CSMD3: variants seen among roughly 807,000 people sequenced by gnomAD.
CSMD3 encodes the protein CUB and sushi domain-containing protein 3.
In CSMD3, 177 loss-of-function variants were observed where a neutral mutation model predicts 435.2. That is an observed-to-expected ratio of 0.41 (90% CI 0.36 to 0.46). The LOEUF (loss-of-function observed/expected upper bound fraction) is 0.46. Among genes scored for constraint, CSMD3 ranks in the 20% least tolerant of loss-of-function variants. The pLI, the probability that CSMD3 is intolerant of heterozygous loss-of-function variation, is 0.34. For missense variants in CSMD3, 4,265 were observed against 4,504.6 expected (o/e 0.95, Z 1.52); for synonymous variants, 1,656 against 1,520.5 (o/e 1.09, Z -2.07).
intron 24 of CSMD3, among the ~76,000 whole-genome samples, chr8:112,562,690 G>A (rs572140949): frequency 6.6e-6 from 1 of 151,482 alleles, no homozygotes; most frequent in South Asian, 2.1e-4. Context: ...CATAATATTA[G>A]GCAGAATAAT....
At chr8:113,308,234 A>AAAT (rs1045935465) in intron 2 of CSMD3, among the ~76,000 whole-genome samples, 3 of 149,026 alleles carry the variant, frequency 2.0e-5, no homozygotes, top group African/African-American at 7.5e-5. Flanking sequence ...TTAGTTCTAT[A>AAAT]AATATCCAGT....
intron 1 of CSMD3, among the ~76,000 whole-genome samples, chr8:113,348,755 T>C (rs1299938625): frequency 6.6e-6 from 1 of 152,090 alleles, no homozygotes; most frequent in East Asian, 1.9e-4. Context: ...ATTTGTTTTA[T>C]TTTTATTAGG....
At chr8:113,275,040 ATTGAAATGC>A (rs1235601283) in intron 3 of CSMD3, among the ~76,000 whole-genome samples, 1 of 152,094 alleles carries the variant, frequency 6.6e-6, no homozygotes, top group East Asian at 1.9e-4. Context: ...TCCCCATAGA[ATTGAAATGC>A]TTATATATAA....
At chr8:112,555,060 T>C (rs1190504712) in intron 25 of CSMD3, among the ~76,000 whole-genome samples, 2 of 151,974 alleles carry the variant, frequency 1.3e-5, no homozygotes, top group African/African-American at 4.8e-5. Flanking sequence ...TCCAACTGTT[T>C]ATAGCTGCTA....
chr8:113,320,030 G>A lies in CSMD3; in HGVS notation c.179-5237C>T, dbSNP rs147387246. 2.6e-5 allele frequency among the ~76,000 whole-genome samples: 4 copies of A among 152,100 alleles called. No individual in the cohort carries two copies. The East Asian group carries it at 7.7e-4, about 29-fold the overall frequency. ...CATTGTCCAAGCTCATCTTCTGGGA[G>A]CTGACAATCTAAAACATGAGATAGC... On this transcript the variant is annotated intron_variant, in intron 1 of 70. Coordinates refer to ENST00000297405, the MANE Select transcript of CSMD3 (RefSeq NM_198123.2).
chr8:112,224,855 G>A lies in CSMD3; in HGVS notation c.11040C>T (p.Pro3680=), dbSNP rs758728478. Residue 3680 remains proline, a synonymous_variant, in exon 71 of 71, where the codon CCC becomes CCT. Coordinates refer to ENST00000297405, the MANE Select transcript of CSMD3 (RefSeq NM_198123.2). The stretch of plus-strand genomic sequence containing the variant: ...CTGACTTTGCGTTGGTGTCATACAT[G>A]GGATTTTCAAAAGCTGCTTGGCCAT... The part of the protein sequence containing the change: ...NNNGQAAFEN[P]MYDTNAKSVE... 3 of 1,614,018 alleles carry A rather than the reference G, an allele frequency of 1.9e-6. No homozygotes were observed. The highest frequency in any genetic ancestry group is 1.7e-6 in the Non-Finnish European group (2 of 1,179,924).
intron 59 of CSMD3, among the ~76,000 whole-genome samples, chr8:112,271,045 T>C (rs559037376): frequency 1.3e-5 from 2 of 152,272 alleles, no homozygotes; most frequent in African/African-American, 4.8e-5. Context: ...TTTTCTTTCT[T>C]TGAACTGACA....
chr8:113,236,192 T>A (rs553180644), intron 3 of CSMD3, among the ~76,000 whole-genome samples: 1 of 152,290 alleles, frequency 6.6e-6, no homozygotes, highest in Non-Finnish European at 1.5e-5. Flanking sequence ...GCCGAGCACA[T>A]GTTCCAACTG....
chr8:112,353,533 A>AT (rs997617329), intron 38 of CSMD3, among the ~76,000 whole-genome samples: 2 of 152,168 alleles, frequency 1.3e-5, no homozygotes, highest in South Asian at 4.1e-4. Flanking sequence ...GTAAGAACTT[A>AT]TTTTTTATCT....
chr8:113,430,757 T>C (rs1179030060), intron 1 of CSMD3, among the ~76,000 whole-genome samples: 3 of 152,230 alleles, frequency 2.0e-5, no homozygotes, highest in Non-Finnish European at 4.4e-5. Context: ...ATCACCATTG[T>C]TATTTTCCGT....
At chr8:112,930,791 C>T (rs964192893) in intron 9 of CSMD3, among the ~76,000 whole-genome samples, 1 of 151,988 alleles carries the variant, frequency 6.6e-6, no homozygotes, top group Admixed American at 6.6e-5. Flanking sequence ...TAGCAACTAC[C>T]TCATTGTCTG....
At chr8:112,975,718 A>C in intron 7 of CSMD3, 119 bp downstream of exon 7, 1 of 1,498,068 alleles carries the variant, frequency 6.7e-7, no homozygotes, top group Non-Finnish European at 9.1e-7. Context: ...GCTACTTTGA[A>C]CTTTTTCTTT....
chr8:112,592,744 T>C (rs1339411150), intron 22 of CSMD3, among the ~76,000 whole-genome samples: 1 of 152,152 alleles, frequency 6.6e-6, no homozygotes, highest in Non-Finnish European at 1.5e-5. Context: ...AGGTCTACTG[T>C]GCTCAGTTAT....
intron 1 of CSMD3, among the ~76,000 whole-genome samples, chr8:113,436,114 C>T (rs1248550600): frequency 6.6e-6 from 1 of 152,108 alleles, no homozygotes; most frequent in African/African-American, 2.4e-5. Context: ...TAGGGAAGCT[C>T]CCCTACATTT....
At chr8:112,864,058 C>T (rs1484992887) in intron 10 of CSMD3, among the ~76,000 whole-genome samples, 1 of 151,946 alleles carries the variant, frequency 6.6e-6, no homozygotes, top group Non-Finnish European at 1.5e-5. Flanking sequence ...TGAAGAGTTA[C>T]ATAATTTGAA....
At chr8:112,921,098 A>G (rs2082731503) in intron 10 of CSMD3, among the ~76,000 whole-genome samples, 1 of 151,638 alleles carries the variant, frequency 6.6e-6, no homozygotes, top group African/African-American at 2.4e-5. Flanking sequence ...ACATATATAT[A>G]CACACATGCA....
chr8:113,175,755 G>T (rs1016110095), intron 3 of CSMD3, among the ~76,000 whole-genome samples: 5 of 151,968 alleles, frequency 3.3e-5, no homozygotes, highest in African/African-American at 4.8e-5. Context: ...TAATAACAAA[G>T]GAGATACTTT....
intron 1 of CSMD3, among the ~76,000 whole-genome samples, chr8:113,370,256 T>G (rs1020278883): frequency 2.0e-5 from 3 of 151,582 alleles, no homozygotes; most frequent in Admixed American, 2.0e-4. Flanking sequence ...AGGAAAAAGA[T>G]AGCTGGCAGA....
At chr8:113,345,369 C>T (rs2094145123) in intron 1 of CSMD3, among the ~76,000 whole-genome samples, 1 of 152,048 alleles carries the variant, frequency 6.6e-6, no homozygotes, top group South Asian at 2.1e-4. Flanking sequence ...CTCAAATTTG[C>T]AAGTTTTAGA....
Sources: allele counts gnomAD v4.1 joint callset (sites outside exome capture counted in the v4.1 genomes callset), GRCh38; gene constraint gnomAD v4.1.1; transcripts MANE v1.5; gene names NCBI Gene and HGNC (gene_info 2026-07-23, HGNC 2026-07-21).